PHRF1: variants seen among roughly 807,000 people sequenced by gnomAD.
PHRF1 encodes the protein PHD and RING finger domain-containing protein 1.
In PHRF1, 53 loss-of-function variants were observed where a neutral mutation model predicts 128.9. The observed-to-expected ratio is 0.41, with a 90% CI of 0.33 to 0.52. PHRF1 has a LOEUF of 0.52. PHRF1 is among the 20% of genes least tolerant of loss of function. The probability of loss-of-function intolerance (pLI) is 0.21; values close to 1 mark genes in which losing one functional copy is unlikely to be tolerated. For missense variants in PHRF1, 2,503 were observed against 2,284.5 expected (o/e 1.10, Z -1.95); for synonymous variants, 1,178 against 980.6 (o/e 1.20, Z -3.76).
chr11:601,331 A>C (rs770082534), intron 9 of PHRF1, among the ~76,000 whole-genome samples: 6 of 151,662 alleles, frequency 4.0e-5, no homozygotes, highest in Non-Finnish European at 5.9e-5. Context: ...TGGGAGGCTG[A>C]GGCAGGAGAA....
At chr11:585,700 A>T (rs1465692503) in intron 3 of PHRF1, among the ~76,000 whole-genome samples, 2 of 58,170 alleles carry the variant, frequency 3.4e-5, no homozygotes, top group African/African-American at 1.0e-4. Flanking sequence ...TTTTTTTTTG[A>T]GGTCGAGTCT....
chr11:609,711 A>G lies in PHRF1; in HGVS notation c.4255A>G (p.Arg1419Gly). The G allele has an allele frequency of 1.3e-6, 2 of 1,488,718 alleles. No homozygotes were observed. The highest frequency in any genetic ancestry group is 1.8e-6 in the Non-Finnish European group (2 of 1,123,606). 92.2% of individuals were successfully genotyped at this position (1,488,718 alleles called of 1,614,324 possible). ...ESESSAPAED[R>G]APRAPLHRPQ... ...GGAGAGCAGCGCCCCCGCCGAGGACAGAGCCCCCCGTGAGTAGTGCCCCGG... is the reference window on the plus strand; with the variant it reads ...GGAGAGCAGCGCCCCCGCCGAGGACGGAGCCCCCCGTGAGTAGTGCCCCGG... The change falls in exon 14 of 18, where the codon AGA becomes GGA. Residue 1419 changes from arginine (R) to glycine (G), a missense_variant. Arg to Gly is a moderately radical substitution (Grantham distance 125, BLOSUM62 -2). Coordinates refer to ENST00000264555, the MANE Select transcript of PHRF1 (RefSeq NM_001286581.2).
At chr11:589,597 G>A (rs7115912) in intron 4 of PHRF1, among the ~76,000 whole-genome samples, 5,551 of 152,280 alleles carry the variant, frequency 0.036, 312 homozygotes, top group African/African-American at 0.13. Flanking sequence ...GGCGCCTGTG[G>A]GGCAGGTCAG....
intron 1 of PHRF1, among the ~76,000 whole-genome samples, chr11:579,749 T>A (rs901908535): frequency 8.5e-5 from 13 of 152,256 alleles, no homozygotes; most frequent in Non-Finnish European, 1.2e-4. Flanking sequence ...TTGGCAAAAC[T>A]ACTTCTACAA....
Position 603,709 on chromosome 11 carries a change from C to T in PHRF1, c.1153-1410C>T, listed in dbSNP as rs1300606198. ...ATAAACTCATATAATACATATTTAT[C>T]TAAAACCATATTTAAGTTTGTTTTT... On this transcript the variant is annotated intron_variant, in intron 10 of 17. Coordinates refer to ENST00000264555, the MANE Select transcript of PHRF1 (RefSeq NM_001286581.2). Among the ~76,000 whole-genome samples the T allele has an allele frequency of 2.1e-5, 3 of 142,134 alleles. No individual in the cohort carries two copies. In the East Asian group the frequency reaches 6.3e-4, roughly 30 times the overall value. The allele number at this position is 142,134 out of a possible 152,430, so 93.2% of individuals were successfully genotyped here.
At chr11:581,182 G>C (rs975030991) in intron 1 of PHRF1, among the ~76,000 whole-genome samples, 2 of 151,990 alleles carry the variant, frequency 1.3e-5, no homozygotes, top group Non-Finnish European at 2.9e-5. Flanking sequence ...CTAGGATCTG[G>C]CTTTATGGGT....
rs1856316136 is a variant in PHRF1 at position 610,649 on chromosome 11, C to T, written c.4565C>T (p.Pro1522Leu). The T allele has an allele frequency of 1.2e-6, 2 of 1,604,444 alleles. No homozygotes were observed. The highest frequency in any genetic ancestry group is 1.7e-6 in the Non-Finnish European group (2 of 1,179,832). Residue 1522 changes from proline to leucine, a missense_variant, in exon 16 of 18, where the codon CCC becomes CTC. By Grantham distance (98) the Pro-to-Leu change is moderately conservative. Transcript: ENST00000264555. ...CGAAQTLAPV[P>L]AALTPASEPA... ...GCAGCACAGACCCTGGCCCCAGTGC[C>T]CGCTGCCCTGACCCCAGCCTCAGAG... is the stretch of plus-strand genomic sequence containing the variant.
At chr11:592,787 C>A (rs2132950777) in intron 6 of PHRF1, 113 bp downstream of exon 6, 2 of 1,146,964 alleles carry the variant, frequency 1.7e-6, no homozygotes, top group Non-Finnish European at 2.6e-6. Context: ...GCACCTGGAG[C>A]TGTGCTCACC....
rs541275853 is a variant in PHRF1, at chr11:609,463, C to T, written c.4007C>T (p.Pro1336Leu). The T allele has an allele frequency of 8.1e-6, 13 of 1,605,706 alleles. No homozygotes were observed. In the East Asian group the frequency reaches 2.9e-4, roughly 36 times the overall value. Residue 1336 changes from proline to leucine, a missense_variant, in exon 14 of 18, where the codon CCC becomes CTC. Physicochemically the swap from Pro to Leu is moderately conservative, Grantham distance 98 (BLOSUM62 -3). Transcript: ENST00000264555. ...MHDEDPSQPP[P>L]LPEGTQEPHL... ...GATGAAGACCCTTCGCAGCCCCCAC[C>T]CCTGCCAGAGGGCACCCAGGAGCCA...
At chr11:610,378 G>T (rs376643721) in intron 15 of PHRF1, 31 bp downstream of exon 15, 4 of 1,539,738 alleles carry the variant, frequency 2.6e-6, no homozygotes, top group African/African-American at 2.7e-5. Flanking sequence ...GCTGTGGGCC[G>T]TGGGCAGTGG....
At chr11:594,195 C>T (rs1855151469) in intron 6 of PHRF1, among the ~76,000 whole-genome samples, 1 of 152,168 alleles carries the variant, frequency 6.6e-6, no homozygotes, top group Non-Finnish European at 1.5e-5. Context: ...CCTGTGGCTG[C>T]GGCCACTCTG....
intron 2 of PHRF1, 93 bp downstream of exon 2, chr11:581,699 A>T (rs1854213508): frequency 6.5e-6 from 8 of 1,237,534 alleles, no homozygotes; most frequent in Non-Finnish European, 7.7e-6. Flanking sequence ...TCACTTGTCA[A>T]CTTTCAGTCT....
Position 606,574 on chromosome 11 carries a change from C to A in PHRF1, c.1587C>A (p.Gly529=), listed in dbSNP as rs771024664. Residue 529 remains glycine (G), a synonymous_variant, in exon 13 of 18, where the codon GGC becomes GGA. Coordinates refer to ENST00000264555, the MANE Select transcript of PHRF1 (RefSeq NM_001286581.2). ...GTGATGTCATCATCCACCGCGACGG[C>A]TCCCTCAGCGCCAAGAGGGCGGGTG... The part of the protein sequence containing the change: ...GSSDVIIHRD[G]SLSAKRAAPV... 6.2e-7 allele frequency: 1 copy of A among 1,607,382 alleles called. No homozygotes were observed. The highest frequency in any genetic ancestry group is 1.1e-5 in the South Asian group (1 of 90,976).
intron 3 of PHRF1, among the ~76,000 whole-genome samples, chr11:583,426 A>G (rs958775561): frequency 3.3e-5 from 5 of 151,680 alleles, no homozygotes; most frequent in Admixed American, 2.6e-4. Context: ...CTGAGGTTGG[A>G]GGATCGCTTG....
chr11:596,842 G>C, intron 6 of PHRF1, 81 bp from the exon 7 acceptor site: 1 of 1,292,410 alleles, frequency 7.7e-7, no homozygotes, highest in East Asian at 2.3e-5. Context: ...TCGGAGGCCT[G>C]CTTTGTGGTC....
Position 611,874 on chromosome 11 carries a change from C to T in PHRF1, c.*97C>T. The stretch of plus-strand genomic sequence containing the variant: ...TGTCGGGAGTGGCGGGAATCGGGGC[C>T]ATGCCCGGGGAGCTGTCGGGAGTGG... On this transcript the variant is annotated 3_prime_UTR_variant, in exon 18 of 18. Transcript: ENST00000264555. 6.7e-7 allele frequency: 1 copy of T among 1,482,884 alleles called. No homozygotes were observed. The highest frequency in any genetic ancestry group is 8.9e-7 in the Non-Finnish European group (1 of 1,118,668). 91.9% of individuals were successfully genotyped at this position (1,482,884 alleles called of 1,614,324 possible).
At chr11:589,590 G>A (rs545132567) in intron 4 of PHRF1, among the ~76,000 whole-genome samples, 7 of 152,348 alleles carry the variant, frequency 4.6e-5, no homozygotes, top group South Asian at 4.1e-4. Context: ...GGCAGGAGGC[G>A]CCTGTGGGGC....
chr11:606,295 A>C (rs1855933016), intron 12 of PHRF1, 147 bp from the exon 13 acceptor site: 1 of 1,093,556 alleles, frequency 9.1e-7, no homozygotes, highest in Admixed American at 3.1e-5. Flanking sequence ...CTCTTAGAAC[A>C]GCAGCCGGAG....
chr11:581,184 T>C (rs922137861), intron 1 of PHRF1, among the ~76,000 whole-genome samples: 3 of 152,070 alleles, frequency 2.0e-5, no homozygotes, highest in Non-Finnish European at 4.4e-5. Flanking sequence ...AGGATCTGGC[T>C]TTATGGGTAG....
Sources: allele counts gnomAD v4.1 joint callset (sites outside exome capture counted in the v4.1 genomes callset), GRCh38; gene constraint gnomAD v4.1.1; transcripts MANE v1.5; gene names NCBI Gene and HGNC (gene_info 2026-07-23, HGNC 2026-07-21).